Variants in MYOZ2 observed in about 807,000 individuals in gnomAD.
MYOZ2 encodes myozenin 2.
In MYOZ2, 19 loss-of-function variants were observed where a neutral mutation model predicts 25.4. That is an observed-to-expected ratio of 0.75 (90% CI 0.52 to 1.10). The LOEUF is 1.10. Ranked by LOEUF, MYOZ2 falls within the 50% of genes least tolerant of loss-of-function variation. The pLI is 0.00. For synonymous variants in MYOZ2, 92 were observed against 106.9 expected (o/e 0.86, Z 0.86); for missense variants, 270 against 317.9 (o/e 0.85, Z 1.15).
chr4:119,164,023 T>G lies in MYOZ2; in HGVS notation c.377-188T>G, dbSNP rs973971209. Among the ~76,000 whole-genome samples the G allele has an allele frequency of 7.2e-5, 11 of 152,244 alleles. No individual in the cohort carries two copies. The East Asian group carries it at 2.1e-3, about 29-fold the overall frequency. ...TAAGAAAAATGGTTTCTTTTTAAAG[T>G]TCCATAAGCTTACAGGAGCTCTAAA... On this transcript the variant is annotated intron_variant, in intron 4 of 5. Transcript: ENST00000307128.
rs76434442 is a variant in MYOZ2 at position 119,152,607 on chromosome 4, G to A, written c.246+1566G>A. ...ATTATAATTTTATACACCTGTGTTC[G>A]AATGTGTTCTGGTTACACATAATAT... On this transcript the variant is annotated intron_variant, in intron 3 of 5. Transcript: ENST00000307128. Among the ~76,000 whole-genome samples the A allele has an allele frequency of 0.016, 2,491 of 152,102 alleles. 99 individuals carry two copies. In the East Asian group the frequency reaches 0.17, roughly 10 times the overall value.
chr4:119,162,938 T>C (rs1201387480), intron 4 of MYOZ2, among the ~76,000 whole-genome samples: 2 of 152,234 alleles, frequency 1.3e-5, no homozygotes, highest in Non-Finnish European at 1.5e-5. Context: ...CAGTGGATCA[T>C]TTATTTTGAT....
At chr4:119,155,992 T>C (rs924905596) in intron 3 of MYOZ2, among the ~76,000 whole-genome samples, 3 of 152,156 alleles carry the variant, frequency 2.0e-5, no homozygotes, top group Admixed American at 6.6e-5. Flanking sequence ...TAAGACACCA[T>C]CTTAGGCTTT....
chr4:119,178,896 C>T (rs1229742922), intron 5 of MYOZ2, among the ~76,000 whole-genome samples: 7 of 152,272 alleles, frequency 4.6e-5, no homozygotes, highest in South Asian at 2.1e-4. Flanking sequence ...CATGAGCCAC[C>T]GTGCCCGGCT....
chr4:119,187,714 C>T lies in MYOZ2; in HGVS notation c.*1514C>T, dbSNP rs533801512. 6.6e-6 allele frequency: 1 copy of T among 152,132 alleles called. No homozygotes were observed. Among genetic ancestry groups the T allele is most frequent in the Non-Finnish European group, 1.5e-5 (1 of 67,980 alleles). The allele number at this position is 152,132 out of a possible 1,614,324, so 9.4% of individuals were successfully genotyped here. A position where few individuals can be genotyped will look rare whatever the true frequency, so the allele number is the denominator to read the frequency against. On this transcript the variant is annotated 3_prime_UTR_variant, in exon 6 of 6. Transcript: ENST00000307128. Reference sequence around the variant, plus strand: ...AATGTTGGCATCTGTGATAAACTATCAATGAGGCTCCCATCATGCCATTTT... The same window carrying T: ...AATGTTGGCATCTGTGATAAACTATTAATGAGGCTCCCATCATGCCATTTT...
intron 2 of MYOZ2, among the ~76,000 whole-genome samples, chr4:119,144,706 T>C (rs1741247536): frequency 1.3e-5 from 2 of 152,226 alleles, no homozygotes. Context: ...TGATGATGTT[T>C]ACCATCTTTT....
chr4:119,187,709 A>C lies in MYOZ2; in HGVS notation c.*1509A>C, dbSNP rs1742336897. 1 of 152,096 alleles carries C rather than the reference A, an allele frequency of 6.6e-6. No homozygotes were observed. Among genetic ancestry groups the C allele is most frequent in the South Asian group, 2.1e-4 (1 of 4,820 alleles). 9.4% of individuals were successfully genotyped at this position (152,096 alleles called of 1,614,324 possible). On this transcript the variant is annotated 3_prime_UTR_variant, in exon 6 of 6. Coordinates refer to ENST00000307128, the MANE Select transcript of MYOZ2 (RefSeq NM_016599.5). ...ATGATAATGTTGGCATCTGTGATAAACTATCAATGAGGCTCCCATCATGCC... is the reference window on the plus strand; with the variant it reads ...ATGATAATGTTGGCATCTGTGATAACCTATCAATGAGGCTCCCATCATGCC...
chr4:119,166,634 C>T (rs1741831929), intron 5 of MYOZ2, among the ~76,000 whole-genome samples: 1 of 152,078 alleles, frequency 6.6e-6, no homozygotes, highest in Non-Finnish European at 1.5e-5. Flanking sequence ...CGTTTTATTG[C>T]ACTTCACTTT....
chr4:119,166,176 A>C (rs1429999953), intron 5 of MYOZ2, among the ~76,000 whole-genome samples: 1 of 152,224 alleles, frequency 6.6e-6, no homozygotes, highest in Non-Finnish European at 1.5e-5. Context: ...GTATATTCTT[A>C]GACTTCTTAT....
At chr4:119,145,384 TC>T (rs1391185444) in intron 2 of MYOZ2, among the ~76,000 whole-genome samples, 6 of 145,332 alleles carry the variant, frequency 4.1e-5, no homozygotes, top group Admixed American at 4.1e-4. Context: ...TCACTCTGTC[TC>T]CCATGTTGGA....
At position 119,186,292 on chromosome 4, in the gene MYOZ2, T is replaced by A. The variant is rs1742293462; in HGVS notation, c.*92T>A. The A allele has an allele frequency of 1.0e-6, 1 of 964,670 alleles. No homozygotes were observed. 59.8% of individuals were successfully genotyped at this position (964,670 alleles called of 1,614,324 possible). ...TGGCAAAGCCACTTGCATTTTTCAT[T>A]AGTAGCAACAATAGCAATTTAGTGA... is the stretch of plus-strand genomic sequence containing the variant. On this transcript the variant is annotated 3_prime_UTR_variant, in exon 6 of 6. Transcript: ENST00000307128.
intron 3 of MYOZ2, among the ~76,000 whole-genome samples, chr4:119,155,864 A>G (rs1741562934): frequency 6.6e-6 from 1 of 152,168 alleles, no homozygotes; most frequent in South Asian, 2.1e-4. Context: ...GAGCATGAAG[A>G]CTAAAGTGAA....
chr4:119,138,081 T>A (rs544073840), intron 2 of MYOZ2, among the ~76,000 whole-genome samples: 14 of 152,302 alleles, frequency 9.2e-5, no homozygotes, highest in African/African-American at 2.4e-4. Flanking sequence ...TCCTTTTTTT[T>A]ATAAACATAA....
At chr4:119,156,174 G>T (rs12644226) in intron 3 of MYOZ2, among the ~76,000 whole-genome samples, 5 of 151,624 alleles carry the variant, frequency 3.3e-5, no homozygotes, top group South Asian at 4.2e-4. Context: ...AATAAGGGAA[G>T]GGGTGTTTTT....
intron 2 of MYOZ2, among the ~76,000 whole-genome samples, chr4:119,142,266 A>G (rs1741173124): frequency 6.6e-6 from 1 of 152,216 alleles, no homozygotes; most frequent in South Asian, 2.1e-4. Flanking sequence ...TATTTTCCCT[A>G]TACAGTTACA....
chr4:119,150,770 T>C (rs1741428877), intron 2 of MYOZ2, 102 bp from the exon 3 acceptor site: 1 of 1,148,958 alleles, frequency 8.7e-7, no homozygotes, highest in Non-Finnish European at 1.3e-6. Flanking sequence ...ATACTTATGA[T>C]TATGCAATTA....
At chr4:119,185,778 G>A (rs549599507) in intron 5 of MYOZ2, among the ~76,000 whole-genome samples, 188 bp from the exon 6 acceptor site, 20 of 152,204 alleles carry the variant, frequency 1.3e-4, no homozygotes, top group Non-Finnish European at 2.2e-4. Flanking sequence ...ATAAAAACAT[G>A]GTCTTTAAAG....
chr4:119,161,683 G>A (rs1741713193), intron 4 of MYOZ2, among the ~76,000 whole-genome samples: 1 of 152,004 alleles, frequency 6.6e-6, no homozygotes, highest in South Asian at 2.1e-4. Flanking sequence ...AACCTTGAAT[G>A]TTCAAAAATG....
chr4:119,172,916 C>T (rs1741976605), intron 5 of MYOZ2, among the ~76,000 whole-genome samples: 1 of 152,178 alleles, frequency 6.6e-6, no homozygotes, highest in African/African-American at 2.4e-5. Flanking sequence ...GTTTCAGATT[C>T]CCAGTTCTGC....
Sources: allele counts gnomAD v4.1 joint callset (sites outside exome capture counted in the v4.1 genomes callset), GRCh38; gene constraint gnomAD v4.1.1; transcripts MANE v1.5; gene names NCBI Gene and HGNC (gene_info 2026-07-23, HGNC 2026-07-21).